Variants in DDX25 observed in about 807,000 individuals in gnomAD.
DDX25 encodes ATP-dependent RNA helicase DDX25.
A neutral mutation model predicts 64.6 loss-of-function variants in DDX25; 70 were observed. That is an observed-to-expected ratio of 1.08 (90% CI 0.89 to 1.32). DDX25 has a LOEUF of 1.32. DDX25 is among the 40% of genes most tolerant of loss of function. DDX25 has a pLI of 0.00. For missense variants in DDX25, 587 were observed against 604.4 expected (o/e 0.97, Z 0.30); for synonymous variants, 211 against 213.3 (o/e 0.99, Z 0.09).
intron 10 of DDX25, among the ~76,000 whole-genome samples, chr11:125,919,784 C>G (rs1945088628): frequency 1.3e-5 from 2 of 152,112 alleles, no homozygotes; most frequent in Admixed American, 1.3e-4. Flanking sequence ...GCTCTTGCCT[C>G]TCTACACTGG....
rs115883152 is a variant in DDX25 at position 125,928,662 on chromosome 11, C to T, written c.*5781C>T. On this transcript the variant is annotated 3_prime_UTR_variant, in exon 12 of 12. Transcript: ENST00000263576. ...TTGGTAACTTTTCTGGTTTATGTTT[C>T]TCTTAGTACAAGCAAGATTATATTT... The T allele has an allele frequency of 5.2e-3, 798 of 152,252 alleles. 6 individuals carry two copies. The highest frequency in any genetic ancestry group is 0.019 in the African/African-American group (772 of 41,554). 9.4% of individuals were successfully genotyped at this position (152,252 alleles called of 1,614,324 possible). A position where few individuals can be genotyped will look rare whatever the true frequency, so the allele number is the denominator to read the frequency against.
upstream of DDX25, chr11:125,904,407 G>C (rs1035930535): frequency 6.2e-5 from 68 of 1,088,472 alleles, no homozygotes; most frequent in African/African-American, 1.1e-3. Flanking sequence ...TCGCGGGCGC[G>C]GACGCGGACG....
chr11:125,924,896 TC>T lies in DDX25; in HGVS notation c.*2016del, dbSNP rs1352995502. Reference sequence around the variant, plus strand: ...TCCTTATCCTACATCTGCCCTTCTCTCTGGACTGGAAGCTGGTGATCACTCT... The same window carrying T: ...TCCTTATCCTACATCTGCCCTTCTCTTGGACTGGAAGCTGGTGATCACTCT... On this transcript the variant is annotated 3_prime_UTR_variant, in exon 12 of 12. Transcript: ENST00000263576. 1 of 152,852 alleles carries T rather than the reference TC, an allele frequency of 6.5e-6. No individual in the cohort carries two copies. Among genetic ancestry groups the T allele is most frequent in the Non-Finnish European group, 1.5e-5 (1 of 68,546 alleles). 9.5% of individuals were successfully genotyped at this position (152,852 alleles called of 1,614,324 possible).
intron 10 of DDX25, among the ~76,000 whole-genome samples, chr11:125,919,552 CCTTT>C (rs1565467958): frequency 1.5e-3 from 172 of 117,420 alleles, no homozygotes; most frequent in South Asian, 5.3e-3. Flanking sequence ...TGAAAAAAAT[CCTTT>C]TTTTTTTTTT....
Position 125,905,365 on chromosome 11 carries a change from C to T in DDX25, c.130+87C>T. The T allele has an allele frequency of 4.1e-6, 6 of 1,451,434 alleles. No individual in the cohort carries two copies. The African/African-American group carries it at 5.6e-5, about 14-fold the overall frequency. The allele number at this position is 1,451,434 out of a possible 1,614,324, so 89.9% of individuals were successfully genotyped here. On this transcript the variant is annotated intron_variant, in intron 2 of 11. Coordinates refer to ENST00000263576, the MANE Select transcript of DDX25 (RefSeq NM_013264.5). Reference sequence around the variant, plus strand: ...ATCACGTCCCTGCCAAGTGAAACACCGCGGATTCATTAGTGTGACATTCAG... The same window carrying T: ...ATCACGTCCCTGCCAAGTGAAACACTGCGGATTCATTAGTGTGACATTCAG...
In DDX25 at chr11:125,927,545, T is replaced by C. The variant is rs1342991862; in HGVS notation, c.*4664T>C. The C allele has an allele frequency of 6.6e-6, 1 of 152,244 alleles. No individual in the cohort carries two copies. The highest frequency in any genetic ancestry group is 2.4e-5 in the African/African-American group (1 of 41,470). 9.4% of individuals were successfully genotyped at this position (152,244 alleles called of 1,614,324 possible). On this transcript the variant is annotated 3_prime_UTR_variant, in exon 12 of 12. Transcript: ENST00000263576. ...CCATGGGTTTCTCTATTCCAGTTTC[T>C]AGAATATAATTTTCATAAATGAGGA...
chr11:125,927,106 T>C lies in DDX25; in HGVS notation c.*4225T>C, dbSNP rs1945175001. The C allele has an allele frequency of 6.6e-6, 1 of 152,260 alleles. No individual in the cohort carries two copies. The highest frequency in any genetic ancestry group is 1.5e-5 in the Non-Finnish European group (1 of 68,048). 9.4% of individuals were successfully genotyped at this position (152,260 alleles called of 1,614,324 possible). ...CTTTGCAAACTATCAGTTTTAAATG[T>C]GGGTGGGGCTGAAGCACCATTCTCC... is the stretch of plus-strand genomic sequence containing the variant. On this transcript the variant is annotated 3_prime_UTR_variant, in exon 12 of 12. Coordinates refer to ENST00000263576, the MANE Select transcript of DDX25 (RefSeq NM_013264.5).
At chr11:125,906,383 G>A (rs372748530) in intron 4 of DDX25, among the ~76,000 whole-genome samples, 174 bp downstream of exon 4, 3 of 151,604 alleles carry the variant, frequency 2.0e-5, no homozygotes, top group South Asian at 2.1e-4. Context: ...GCAGTGATAC[G>A]ATCTCGGCTC....
At chr11:125,913,468 T>C (rs929934204) in intron 8 of DDX25, among the ~76,000 whole-genome samples, 1 of 152,190 alleles carries the variant, frequency 6.6e-6, no homozygotes, top group Non-Finnish European at 1.5e-5. Context: ...TTTGCCCGGA[T>C]AGGAATCCTG....
At chr11:125,912,319 T>C (rs1437645190) in intron 8 of DDX25, among the ~76,000 whole-genome samples, 1 of 152,194 alleles carries the variant, frequency 6.6e-6, no homozygotes, top group East Asian at 1.9e-4. Context: ...TGTAATTATG[T>C]CATGAATTAG....
At chr11:125,906,290 A>G (rs1944885353) in intron 4 of DDX25, 81 bp downstream of exon 4, 4 of 1,417,988 alleles carry the variant, frequency 2.8e-6, no homozygotes, top group Non-Finnish European at 3.7e-6. Flanking sequence ...AAAAACCATC[A>G]GGATCTCCTC....
At chr11:125,917,766 G>A (rs549031828) in intron 9 of DDX25, among the ~76,000 whole-genome samples, 1 of 152,324 alleles carries the variant, frequency 6.6e-6, no homozygotes, top group East Asian at 1.9e-4. Flanking sequence ...AAAAACATAT[G>A]TGTAGAATAA....
intron 9 of DDX25, among the ~76,000 whole-genome samples, chr11:125,917,801 C>G (rs1045697377): frequency 1.1e-4 from 16 of 152,204 alleles, no homozygotes; most frequent in African/African-American, 3.4e-4. Context: ...CTGCCACTGG[C>G]TAACCATGCA....
Position 125,910,366 on chromosome 11 carries a change from C to A in DDX25, c.510C>A (p.Cys170Ter). Residue 170 changes from cysteine (C) to a stop codon, truncating the protein, a stop_gained and splice_region_variant, in exon 7 of 12, where the codon TGC (cysteine) becomes TGA (stop). Transcript: ENST00000263576. LOFTEE classifies it high-confidence loss of function. The part of the protein sequence containing the change: ...RVNALELFPQ[C>*]LCLAPTYELA... The stretch of plus-strand genomic sequence containing the variant: ...CCTCTTCTCTCTCTATCCCACAGTG[C>A]CTCTGCCTAGCTCCTACTTATGAAT... 6.2e-7 allele frequency: 1 copy of A among 1,613,694 alleles called. No homozygotes were observed. The highest frequency in any genetic ancestry group is 8.5e-7 in the Non-Finnish European group (1 of 1,179,696).
In DDX25 at chr11:125,922,826, G is replaced by A. The variant is rs774527842; in HGVS notation, c.1397G>A (p.Ser466Asn). ...TTCTCTTTTGTTCTTTTAGACAGCAGTATTAAGCAACTCAACGCTGAAGAC... is the reference window on the plus strand; with the variant it reads ...TTCTCTTTTGTTCTTTTAGACAGCAATATTAAGCAACTCAACGCTGAAGAC... ...LMKIQDHFNS[S>N]IKQLNAEDMD... The change falls in exon 12 of 12, where the codon AGT becomes AAT. Residue 466 changes from serine to asparagine, a missense_variant. Physicochemically the swap from Ser to Asn is conservative, Grantham distance 46. Coordinates refer to ENST00000263576, the MANE Select transcript of DDX25 (RefSeq NM_013264.5). 34 of 1,608,580 alleles carry A rather than the reference G, an allele frequency of 2.1e-5. No homozygotes were observed. Among genetic ancestry groups the A allele is most frequent in the Admixed American group, 3.4e-5 (2 of 59,428 alleles).
intron 4 of DDX25, 145 bp from the exon 5 acceptor site, chr11:125,908,051 T>C: frequency 3.1e-6 from 2 of 649,608 alleles, no homozygotes; most frequent in Admixed American, 6.0e-5. Flanking sequence ...GTTTGGAAGT[T>C]GAGGTATGAA....
chr11:125,912,899 A>G (rs1944983688), intron 8 of DDX25, among the ~76,000 whole-genome samples: 1 of 152,092 alleles, frequency 6.6e-6, no homozygotes, highest in African/African-American at 2.4e-5. Context: ...GGCTCACGCC[A>G]GTAGTCCCAG....
Position 125,911,502 on chromosome 11 carries a change from T to G in DDX25, c.800+14T>G, listed in dbSNP as rs1032014340. The G allele has an allele frequency of 3.7e-6, 6 of 1,607,958 alleles. No homozygotes were observed. Among genetic ancestry groups the G allele is most frequent in the Non-Finnish European group, 5.1e-6 (6 of 1,176,986 alleles). ...TCGTATTCAAAGGTAATCTTCAGAG[T>G]CTTCCTCTCTTCCTCAGCCTTCTGT... On this transcript the variant is annotated intron_variant, in intron 8 of 11. Transcript: ENST00000263576.
chr11:125,917,361 G>A (rs1388568462), intron 9 of DDX25, 110 bp downstream of exon 9: 1 of 989,624 alleles, frequency 1.0e-6, no homozygotes, highest in African/African-American at 1.6e-5. Context: ...CTTCTTGTGT[G>A]TCTCCAGTTT....
Sources: allele counts gnomAD v4.1 joint callset (sites outside exome capture counted in the v4.1 genomes callset), GRCh38; gene constraint gnomAD v4.1.1; transcripts MANE v1.5; gene names NCBI Gene and HGNC (gene_info 2026-07-23, HGNC 2026-07-21).